MAP3K13: variants seen among roughly 807,000 people sequenced by gnomAD.
The protein encoded by MAP3K13 is leucine zipper-bearing kinase.
In MAP3K13, 52 loss-of-function variants were observed where a neutral mutation model predicts 104.0. The ratio of observed to expected loss-of-function variants is 0.50; its 90% CI spans 0.40 to 0.63. The LOEUF (loss-of-function observed/expected upper bound fraction) is 0.63, where lower values mean the gene tolerates loss of function less well. Among genes scored for constraint, MAP3K13 ranks in the 20% least tolerant of loss-of-function variants. The pLI is 0.00. For synonymous variants in MAP3K13, 394 were observed against 442.2 expected (o/e 0.89, Z 1.37); for missense variants, 914 against 1,218.5 (o/e 0.75, Z 3.72).
Position 185,418,072 on chromosome 3 carries a change from T to G in MAP3K13, c.-85-10425T>G. 6.2e-7 allele frequency: 1 copy of G among 1,611,924 alleles called. No homozygotes were observed. Among genetic ancestry groups the G allele is most frequent in the Non-Finnish European group, 8.5e-7 (1 of 1,179,708 alleles). Reference sequence around the variant, plus strand: ...CCCACCAGGAGCAAGCTTCAAAATGTTCAGCTTGCTTACATTAAGCAGAGT... The same window carrying G: ...CCCACCAGGAGCAAGCTTCAAAATGGTCAGCTTGCTTACATTAAGCAGAGT... On this transcript the variant is annotated intron_variant, in intron 1 of 13. Coordinates refer to ENST00000265026, the MANE Select transcript of MAP3K13 (RefSeq NM_004721.5). The surrounding 1 kb of genome is among the most constrained non-coding windows in gnomAD (Gnocchi z 4.5).
intron 2 of MAP3K13, among the ~76,000 whole-genome samples, chr3:185,352,009 C>T (rs1203541670): frequency 3.9e-5 from 6 of 152,210 alleles, no homozygotes; most frequent in Non-Finnish European, 7.3e-5. Context: ...GCAGCTTCAT[C>T]TCTAACAAGA....
intron 1 of MAP3K13, among the ~76,000 whole-genome samples, chr3:185,369,711 T>C (rs987806291): frequency 1.3e-5 from 2 of 152,220 alleles, no homozygotes; most frequent in Non-Finnish European, 2.9e-5. Flanking sequence ...AAAAACACTT[T>C]AGCAGGAGTT....
intron 1 of MAP3K13, among the ~76,000 whole-genome samples, chr3:185,399,302 C>G (rs1290793062): frequency 6.6e-6 from 1 of 151,946 alleles, no homozygotes; most frequent in Non-Finnish European, 1.5e-5. Context: ...CTCTCCTGAC[C>G]TGAATATAAA....
At chr3:185,302,404 C>G (rs1721141048) in intron 2 of MAP3K13, among the ~76,000 whole-genome samples, 1 of 152,110 alleles carries the variant, frequency 6.6e-6, no homozygotes, top group Admixed American at 6.5e-5. Flanking sequence ...CAGAGCGAGA[C>G]TGTCTGAAAA....
At chr3:185,420,063 A>C (rs1714029476) in intron 1 of MAP3K13, among the ~76,000 whole-genome samples, 1 of 152,210 alleles carries the variant, frequency 6.6e-6, no homozygotes, top group Non-Finnish European at 1.5e-5. Flanking sequence ...ATACTTCAAG[A>C]TTATTAAACA....
chr3:185,454,648 A>G (rs1321359175), intron 7 of MAP3K13, among the ~76,000 whole-genome samples: 1 of 95,050 alleles, frequency 1.1e-5, no homozygotes, highest in South Asian at 3.1e-4. Flanking sequence ...AGATATATAT[A>G]TGATATATAT....
intron 7 of MAP3K13, among the ~76,000 whole-genome samples, chr3:185,457,387 C>G (rs1716826421): frequency 6.6e-6 from 1 of 152,220 alleles, no homozygotes; most frequent in Non-Finnish European, 1.5e-5. Context: ...AGAAGTTAGT[C>G]TCACGGTTCT....
intron 2 of MAP3K13, among the ~76,000 whole-genome samples, chr3:185,335,206 A>C (rs940508261): frequency 2.6e-5 from 4 of 152,196 alleles, no homozygotes; most frequent in African/African-American, 9.7e-5. Context: ...AGCATTTTCT[A>C]AAGTGTTTGA....
rs1328637253 is a variant in MAP3K13 at position 185,348,303 on chromosome 3, A to G, written c.-86+62660A>G. 2.6e-5 allele frequency among the ~76,000 whole-genome samples: 4 copies of G among 152,312 alleles called. No homozygotes were observed. In the East Asian group the frequency reaches 7.7e-4, roughly 29 times the overall value. ...GGCCTTTTGAAGATGACCATTTATT[A>G]TGGAGCCTCGAGTAATTTAATGAAC... On this transcript the variant is annotated intron_variant, in intron 2 of 14. Transcript: ENST00000424227.
At chr3:185,463,155 C>T (rs964667338) in intron 7 of MAP3K13, among the ~76,000 whole-genome samples, 1 of 152,228 alleles carries the variant, frequency 6.6e-6, no homozygotes, top group Non-Finnish European at 1.5e-5. Flanking sequence ...TGTTCGTAAT[C>T]TCACATGCAC....
chr3:185,333,632 G>A (rs1722361717), intron 2 of MAP3K13, among the ~76,000 whole-genome samples: 3 of 152,182 alleles, frequency 2.0e-5, no homozygotes, highest in Admixed American at 2.0e-4. Context: ...GTGGGCTCAA[G>A]CCTGTAATCC....
At chr3:185,420,680 C>CA (rs900728396) in intron 1 of MAP3K13, among the ~76,000 whole-genome samples, 14 of 152,136 alleles carry the variant, frequency 9.2e-5, no homozygotes, top group African/African-American at 3.1e-4. Context: ...TTAGTCACAT[C>CA]AAAAACTTTG....
chr3:185,398,387 G>T (rs566916089), intron 1 of MAP3K13, among the ~76,000 whole-genome samples: 3 of 152,268 alleles, frequency 2.0e-5, no homozygotes, highest in African/African-American at 7.2e-5. Flanking sequence ...AGGCAGATGA[G>T]CAGCCTCTTA....
At chr3:185,382,219 ATAAC>A (rs1553796676) in intron 1 of MAP3K13, among the ~76,000 whole-genome samples, 1 of 132,528 alleles carries the variant, frequency 7.5e-6, no homozygotes, top group African/African-American at 2.9e-5. Context: ...ATTAGCAACA[ATAAC>A]TAATAACATA....
intron 2 of MAP3K13, among the ~76,000 whole-genome samples, chr3:185,285,800 C>A (rs2108666335): frequency 6.6e-6 from 1 of 152,254 alleles, no homozygotes; most frequent in Non-Finnish European, 1.5e-5. Flanking sequence ...ATATATGAAG[C>A]AATTGTTCTT....
intron 1 of MAP3K13, among the ~76,000 whole-genome samples, chr3:185,416,491 T>G (rs565442038): frequency 6.6e-6 from 1 of 152,044 alleles, no homozygotes; most frequent in South Asian, 2.1e-4. Context: ...GAGAGAGTTA[T>G]GGCGAGGTTA....
At chr3:185,306,764 G>A (rs776707214) in intron 2 of MAP3K13, among the ~76,000 whole-genome samples, 30 of 152,094 alleles carry the variant, frequency 2.0e-4, no homozygotes, top group Non-Finnish European at 3.4e-4. Flanking sequence ...TTCATTTGCT[G>A]TACAGAAGCT....
intron 2 of MAP3K13, among the ~76,000 whole-genome samples, chr3:185,327,465 A>G (rs946972518): frequency 6.6e-6 from 1 of 152,038 alleles, no homozygotes; most frequent in African/African-American, 2.4e-5. Flanking sequence ...GATCCCCAGG[A>G]TAGTGAAGGG....
chr3:185,482,383 G>A lies in MAP3K13; in HGVS notation c.2828G>A (p.Cys943Tyr). The change falls in exon 14 of 14, where the codon TGT becomes TAT. Residue 943 changes from cysteine (C) to tyrosine (Y), a missense_variant. Physicochemically the swap from Cys to Tyr is radical, Grantham distance 194. This residue lies in a region of MAP3K13 where 583 missense variants were observed against 737.4 expected (regional missense o/e 0.79). Transcript: ENST00000265026. The surrounding 1 kb of genome is among the most constrained non-coding windows in gnomAD (Gnocchi z 4.5). The part of the protein sequence containing the change: ...ENPMQFEESD[C>Y]DSSDGECSDA... ...CCCATGCAGTTTGAAGAATCGGACT[G>A]TGACTCTTCAGATGGGGAGTGTTCT... 6.2e-7 allele frequency: 1 copy of A among 1,613,996 alleles called. No homozygotes were observed. The highest frequency in any genetic ancestry group is 8.5e-7 in the Non-Finnish European group (1 of 1,179,860).
Sources: gnomAD v4.1 joint callset for allele counts (sites outside exome capture counted in the v4.1 genomes callset) on GRCh38, gnomAD v4.1.1 for gene constraint, gnomAD v4.1.1 regional missense constraint, Gnocchi (gnomAD v3.1) non-coding constraint, MANE v1.5 for transcripts, NCBI Gene and HGNC (gene_info 2026-07-23, HGNC 2026-07-21) for gene names.